Variants in RSPH3 observed in about 807,000 individuals in gnomAD.
The protein encoded by RSPH3 is radial spoke head protein 3 homolog.
In RSPH3, 21 loss-of-function variants were observed where a neutral mutation model predicts 43.8. That is an observed-to-expected ratio of 0.48 (90% CI 0.34 to 0.69). The LOEUF is 0.69. RSPH3 is among the 30% of genes least tolerant of loss of function. The probability of loss-of-function intolerance (pLI) is 0.01; values close to 1 mark genes in which losing one functional copy is unlikely to be tolerated. For synonymous variants in RSPH3, 173 were observed against 179.8 expected, an observed-to-expected ratio of 0.96 and a Z score of 0.30; for missense variants, 487 against 516.0, an observed-to-expected ratio of 0.94 and a Z score of 0.54.
downstream of RSPH3, among the ~76,000 whole-genome samples, chr6:158,968,694 T>C (rs947886413): frequency 6.6e-6 from 1 of 152,128 alleles, no homozygotes; most frequent in Non-Finnish European, 1.5e-5. Context: ...TCTCCTTCCT[T>C]TGTAGTAGTA....
chr6:158,983,750 G>T lies in RSPH3; in HGVS notation c.404C>A (p.Thr135Lys). 6.2e-7 allele frequency: 1 copy of T among 1,608,112 alleles called. No homozygotes were observed. The highest frequency in any genetic ancestry group is 8.5e-7 in the Non-Finnish European group (1 of 1,174,592). Residue 135 changes from threonine to lysine, a missense_variant, in exon 4 of 8, where the codon ACA becomes AAA. Transcript: ENST00000367069. ...TGGTGGTCTGTCCAAAAATGCATCT[G>T]TTTGGCATTCCATATCAACTTCTAT... ...RIIEVDMECQ[T>K]DAFLDRPPTP... is the part of the protein sequence containing the mutation.
At chr6:158,994,750 C>A (rs1389392140) in intron 1 of RSPH3, among the ~76,000 whole-genome samples, 1 of 152,166 alleles carries the variant, frequency 6.6e-6, no homozygotes, top group Non-Finnish European at 1.5e-5. Context: ...TATTTCCATT[C>A]AAAGTTATTT....
chr6:158,999,902 G>T lies in RSPH3; in HGVS notation c.-352C>A, dbSNP rs202214576. 2.5e-6 allele frequency: 4 copies of T among 1,613,028 alleles called. No homozygotes were observed. The highest frequency in any genetic ancestry group is 1.7e-5 in the Admixed American group (1 of 59,966). ...CCGGCTCTTGACTCCGCCCAGCCGC[G>T]CCACCCAGGTAGGTGCGCCTGCGCT... On this transcript the variant is annotated 5_prime_UTR_variant, in exon 1 of 8. Coordinates refer to ENST00000367069, the MANE Select transcript of RSPH3 (RefSeq NM_031924.8).
intron 1 of RSPH3, among the ~76,000 whole-genome samples, chr6:158,998,024 C>A (rs144377744): frequency 0.011 from 1,634 of 152,192 alleles, 42 homozygotes; most frequent in Middle Eastern, 0.024. Flanking sequence ...AGGCATTGTA[C>A]TAGGTGAACA....
chr6:158,998,295 TAC>T (rs1329697504), intron 1 of RSPH3, among the ~76,000 whole-genome samples: 4 of 15,452 alleles, frequency 2.6e-4, no homozygotes, highest in African/African-American at 1.4e-3. Context: ...ACTAAAAAAA[TAC>T]AAAAAAAAAA....
At chr6:158,980,289 G>A (rs1385850269) in intron 6 of RSPH3, among the ~76,000 whole-genome samples, 1 of 152,158 alleles carries the variant, frequency 6.6e-6, no homozygotes, top group African/African-American at 2.4e-5. Flanking sequence ...TTAGCTGGGC[G>A]TGGTAGCAGG....
At chr6:158,972,486 A>G (rs758579736), downstream of RSPH3, among the ~76,000 whole-genome samples, 7 of 152,180 alleles carry the variant, frequency 4.6e-5, no homozygotes, top group Non-Finnish European at 8.8e-5. Flanking sequence ...AATACAATAT[A>G]TTTTTGAACT....
In RSPH3 at chr6:158,980,754, T is replaced by C. The variant is rs1195927186; in HGVS notation, c.859+20A>G. The C allele has an allele frequency of 6.3e-7, 1 of 1,595,652 alleles. No individual in the cohort carries two copies. The highest frequency in any genetic ancestry group is 1.7e-5 in the Admixed American group (1 of 59,406). ...GATGCTTATTACAACAAAATTAATC[T>C]AACAAAAATATCTACAAACCTCTTT... On this transcript the variant is annotated intron_variant, in intron 6 of 7. Transcript: ENST00000367069.
intron 2 of RSPH3, among the ~76,000 whole-genome samples, chr6:158,988,567 G>A (rs931748882): frequency 3.9e-4 from 60 of 152,054 alleles, no homozygotes; most frequent in African/African-American, 1.3e-3. Flanking sequence ...AGCAGTCTTT[G>A]TTTCTTCTCA....
intron 1 of RSPH3, among the ~76,000 whole-genome samples, chr6:158,998,394 G>A (rs1326293799): frequency 6.8e-6 from 1 of 146,914 alleles, no homozygotes; most frequent in Non-Finnish European, 1.5e-5. Flanking sequence ...GCGTGAACCC[G>A]GGAGGTGGAG....
downstream of RSPH3, among the ~76,000 whole-genome samples, chr6:158,972,216 T>C (rs1309227334): frequency 6.6e-6 from 1 of 152,276 alleles, no homozygotes; most frequent in East Asian, 1.9e-4. Flanking sequence ...GCATCTACCA[T>C]AGCCCAGGCC....
chr6:158,972,092 C>T (rs1347293956), downstream of RSPH3, among the ~76,000 whole-genome samples: 1 of 152,048 alleles, frequency 6.6e-6, no homozygotes, highest in African/African-American at 2.4e-5. Context: ...CTCCCTCTAC[C>T]ATAATCATGC....
Position 159,000,081 on chromosome 6 carries a change from T to C in RSPH3, c.-531A>G. ...TTCTCGCAGGCCCACGTGCTCCTGC[T>C]CTTCCAGGGTGTCCTCGGCTGTTTC... On this transcript the variant is annotated 5_prime_UTR_variant, in exon 1 of 8. Transcript: ENST00000367069. 8.4e-7 allele frequency: 1 copy of C among 1,196,916 alleles called. No homozygotes were observed. Among genetic ancestry groups the C allele is most frequent in the South Asian group, 1.6e-5 (1 of 62,374 alleles). 74.1% of individuals were successfully genotyped at this position (1,196,916 alleles called of 1,614,324 possible). A position where few individuals can be genotyped will look rare whatever the true frequency, so the allele number is the denominator to read the frequency against.
At position 158,999,751 on chromosome 6, in the gene RSPH3, C is replaced by T; in HGVS notation, c.-201G>A. Reference sequence around the variant, plus strand: ...GGAGCTATACTGGGCTCGCTCCCAGCACCACAGAGACCAGCTGCGGGGGCC... The same window carrying T: ...GGAGCTATACTGGGCTCGCTCCCAGTACCACAGAGACCAGCTGCGGGGGCC... On this transcript the variant is annotated 5_prime_UTR_variant, in exon 1 of 8. Transcript: ENST00000367069. 1 of 1,611,264 alleles carries T rather than the reference C, an allele frequency of 6.2e-7. No individual in the cohort carries two copies. Among genetic ancestry groups the T allele is most frequent in the Non-Finnish European group, 8.5e-7 (1 of 1,178,086 alleles).
At position 158,993,779 on chromosome 6, in the gene RSPH3, C is replaced by CTA. The variant is rs1562566767; in HGVS notation, c.204+59_204+60insTA. The CTA allele has an allele frequency of 1.7e-5, 15 of 891,006 alleles. No individual in the cohort carries two copies. The East Asian group carries it at 3.7e-4, about 22-fold the overall frequency. 55.2% of individuals were successfully genotyped at this position (891,006 alleles called of 1,614,324 possible). ...CGGATTAGAAATTAACACCAAGAAA[C>CTA]TGATCCTTCCCCATAGATAATGTGA... On this transcript the variant is annotated intron_variant, in intron 2 of 7. Transcript: ENST00000367069.
intron 2 of RSPH3, among the ~76,000 whole-genome samples, chr6:158,991,509 AC>A (rs1221560313): frequency 1.3e-5 from 2 of 152,154 alleles, no homozygotes; most frequent in Non-Finnish European, 1.5e-5. Flanking sequence ...GGCTCTGTCG[AC>A]ACTGGTGGTG....
chr6:158,996,552 A>AT (rs1778603603), intron 1 of RSPH3, among the ~76,000 whole-genome samples: 2 of 152,154 alleles, frequency 1.3e-5, no homozygotes, highest in Non-Finnish European at 2.9e-5. Flanking sequence ...ATTAAGTTTC[A>AT]TTTTTTGGTT....
chr6:158,965,485 T>G, the RSPH3 span, among the ~76,000 whole-genome samples: 2 of 152,284 alleles, frequency 1.3e-5, no homozygotes, highest in Middle Eastern at 3.4e-3. Flanking sequence ...TTCAGTGTAC[T>G]GTATAAGTCT....
At chr6:158,980,082 T>C (rs1021260789) in intron 6 of RSPH3, among the ~76,000 whole-genome samples, 12 of 152,226 alleles carry the variant, frequency 7.9e-5, no homozygotes, top group Non-Finnish European at 1.6e-4. Flanking sequence ...TACTTACGCA[T>C]ACACAGGACT....
Sources: allele counts gnomAD v4.1 joint callset (sites outside exome capture counted in the v4.1 genomes callset), GRCh38; gene constraint gnomAD v4.1.1; transcripts MANE v1.5; gene names NCBI Gene and HGNC (gene_info 2026-07-23, HGNC 2026-07-21).